GABRG2: variants seen among roughly 807,000 people sequenced by gnomAD.
GABRG2 encodes gamma-aminobutyric acid receptor subunit gamma-2.
GABRG2 carries 16 observed loss-of-function variants against 56.4 expected under a neutral mutation model. The observed-to-expected ratio is 0.28, with a 90% CI of 0.19 to 0.43. The LOEUF (loss-of-function observed/expected upper bound fraction) is 0.43. GABRG2 is among the 20% of genes least tolerant of loss of function. The pLI is 1.00. For synonymous variants in GABRG2, 208 were observed against 205.5 expected (o/e 1.01, Z -0.10); for missense variants, 327 against 582.7 (o/e 0.56, Z 4.52).
chr5:162,070,633 GAAAC>G (rs1758598448), intron 1 of GABRG2, among the ~76,000 whole-genome samples: 1 of 151,894 alleles, frequency 6.6e-6, no homozygotes, highest in Admixed American at 6.6e-5. Context: ...TTACAAAAGT[GAAAC>G]AAAGAGAAAA....
chr5:162,076,575 A>G (rs559912511), intron 1 of GABRG2, among the ~76,000 whole-genome samples: 2 of 152,268 alleles, frequency 1.3e-5, no homozygotes, highest in African/African-American at 4.8e-5. Flanking sequence ...TCCTGAAGAT[A>G]ATTTTGTCAC....
chr5:162,075,557 A>G lies in GABRG2; in HGVS notation c.107+7451A>G, dbSNP rs143393275. 5.9e-3 allele frequency among the ~76,000 whole-genome samples: 902 copies of G among 152,152 alleles called. 9 individuals carry two copies. Among genetic ancestry groups the G allele is most frequent in the African/African-American group, 0.021 (857 of 41,500 alleles). ...TCTCAGCTAGAAGCCAGGACCCACA[A>G]CAGAAGAGATGCCATTGATACAACT... On this transcript the variant is annotated intron_variant, in intron 1 of 9. Coordinates refer to ENST00000639213, the MANE Select transcript of GABRG2 (RefSeq NM_198904.4).
intron 6 of GABRG2, among the ~76,000 whole-genome samples, chr5:162,141,106 G>C (rs1482219400): frequency 1.3e-5 from 2 of 151,822 alleles, no homozygotes; most frequent in African/African-American, 4.8e-5. Context: ...GCGCCATCTC[G>C]GCTCACTGCA....
chr5:162,116,579 C>G (rs1762640863), intron 6 of GABRG2, among the ~76,000 whole-genome samples: 1 of 151,916 alleles, frequency 6.6e-6, no homozygotes, highest in Non-Finnish European at 1.5e-5. Flanking sequence ...ATAAGATGCA[C>G]AATGCTTTCA....
intron 6 of GABRG2, among the ~76,000 whole-genome samples, chr5:162,113,135 T>C (rs1762372914): frequency 6.6e-6 from 1 of 152,000 alleles, no homozygotes. Flanking sequence ...AGACGGGGTT[T>C]CACCATGTTG....
intron 6 of GABRG2, among the ~76,000 whole-genome samples, chr5:162,109,432 A>T (rs1334536332): frequency 1.5e-5 from 2 of 131,434 alleles, no homozygotes; most frequent in Non-Finnish European, 3.3e-5. Context: ...ATTTATTTAT[A>T]TAAAATGAAA....
intron 6 of GABRG2, among the ~76,000 whole-genome samples, chr5:162,122,736 T>C (rs1349128530): frequency 1.3e-5 from 2 of 151,788 alleles, no homozygotes; most frequent in Non-Finnish European, 3.0e-5. Context: ...AGTAAATATA[T>C]TTAAACATTA....
chr5:162,107,387 T>C (rs1160886059), intron 6 of GABRG2, among the ~76,000 whole-genome samples: 3 of 152,168 alleles, frequency 2.0e-5, no homozygotes, highest in South Asian at 2.1e-4. Flanking sequence ...ACTTTGAATA[T>C]GTTGAAAAAG....
intron 7 of GABRG2, 88 bp downstream of exon 7, chr5:162,142,404 T>A: frequency 7.3e-7 from 1 of 1,371,856 alleles, no homozygotes; most frequent in South Asian, 1.2e-5. Context: ...TGATCTGCTT[T>A]AAATTTAGCC....
At position 162,067,990 on chromosome 5, in the gene GABRG2, A is replaced by G. The variant is rs746505697; in HGVS notation, c.-10A>G. 6.0e-5 allele frequency: 96 copies of G among 1,600,342 alleles called. No individual in the cohort carries two copies. The highest frequency in any genetic ancestry group is 7.8e-5 in the Non-Finnish European group (91 of 1,168,270). ...AGGCAAGAGGCGAGAGAAGGAAAAAAAAAAAAGCGATGAGTTCGCCAAATA... is the reference window on the plus strand; with the variant it reads ...AGGCAAGAGGCGAGAGAAGGAAAAAGAAAAAAGCGATGAGTTCGCCAAATA... On this transcript the variant is annotated 5_prime_UTR_variant, in exon 1 of 10. Transcript: ENST00000639213.
At chr5:162,099,844 T>C (rs1416031331) in intron 4 of GABRG2, 1 of 152,186 alleles carries the variant, frequency 6.6e-6, no homozygotes, top group Non-Finnish European at 1.5e-5. Context: ...AAATGAGCTA[T>C]GAGTGTGTTT....
chr5:162,067,499 T>C (rs1463171173), upstream of GABRG2: 1 of 424,116 alleles, frequency 2.4e-6, no homozygotes, highest in South Asian at 8.8e-5. Flanking sequence ...ATCTGCGTGA[T>C]AGTTAATCAC....
At chr5:162,091,785 A>G (rs1351295817) in intron 1 of GABRG2, among the ~76,000 whole-genome samples, 3 of 152,146 alleles carry the variant, frequency 2.0e-5, no homozygotes, top group Admixed American at 2.0e-4. Flanking sequence ...GTAATACAGC[A>G]CCATTATACT....
At chr5:162,141,496 T>G (rs996087533) in intron 6 of GABRG2, among the ~76,000 whole-genome samples, 1 of 152,194 alleles carries the variant, frequency 6.6e-6, no homozygotes, top group Non-Finnish European at 1.5e-5. Context: ...ACTACTAGTT[T>G]GCAATGGTGA....
At chr5:162,111,941 C>T (rs891083272) in intron 6 of GABRG2, among the ~76,000 whole-genome samples, 1 of 152,026 alleles carries the variant, frequency 6.6e-6, no homozygotes, top group East Asian at 1.9e-4. Context: ...TTAGATACAG[C>T]AAAAGTATAA....
chr5:162,105,011 G>T (rs1459279495), intron 6 of GABRG2, among the ~76,000 whole-genome samples: 3 of 152,124 alleles, frequency 2.0e-5, no homozygotes, highest in Admixed American at 2.0e-4. Flanking sequence ...CAAACATTGT[G>T]TTCTCAGCTT....
At chr5:162,079,836 G>T (rs967112040) in intron 1 of GABRG2, among the ~76,000 whole-genome samples, 1 of 151,956 alleles carries the variant, frequency 6.6e-6, no homozygotes. Flanking sequence ...AGGCTGGAGT[G>T]CAGTGGTGCG....
At position 162,084,960 on chromosome 5, in the gene GABRG2, TA is replaced by T. The variant is rs796755407; in HGVS notation, c.108-8858del. ...ATAGTGTATAAGTTCTACCATTTGA[TA>T]AAAAAAAAATGCTGCATGAGACTAA... On this transcript the variant is annotated intron_variant, in intron 1 of 9. Transcript: ENST00000639213. 1.3e-3 allele frequency among the ~76,000 whole-genome samples: 194 copies of T among 148,386 alleles called. 1 individual carries two copies. The highest frequency in any genetic ancestry group is 4.1e-3 in the African/African-American group (167 of 40,610).
intron 6 of GABRG2, among the ~76,000 whole-genome samples, chr5:162,130,458 G>C (rs1763658793): frequency 1.3e-5 from 2 of 151,768 alleles, no homozygotes; most frequent in African/African-American, 4.8e-5. Flanking sequence ...TACCTCTGTG[G>C]AGCCTTTTCT....
Sources: allele counts gnomAD v4.1 joint callset (sites outside exome capture counted in the v4.1 genomes callset), GRCh38; gene constraint gnomAD v4.1.1; transcripts MANE v1.5; gene names NCBI Gene and HGNC (gene_info 2026-07-23, HGNC 2026-07-21).